Variants in DAB1 observed in about 807,000 individuals in gnomAD.
DAB1 encodes the protein disabled homolog 1.
Under a neutral mutation model 64.6 loss-of-function variants are expected in DAB1, and 15 were observed. The observed-to-expected ratio is 0.23, with a 90% CI of 0.16 to 0.36. The LOEUF is 0.36. DAB1 is among the 10% of genes least tolerant of loss of function. The pLI, the probability that DAB1 is intolerant of heterozygous loss-of-function variation, is 1.00. For missense variants in DAB1, 596 were observed against 706.7 expected (o/e 0.84, Z 1.78); for synonymous variants, 235 against 251.9 (o/e 0.93, Z 0.64).
intron 3 of DAB1, among the ~76,000 whole-genome samples, chr1:58,419,632 G>A (rs1467176561): frequency 6.6e-6 from 1 of 152,106 alleles, no homozygotes; most frequent in East Asian, 1.9e-4. Flanking sequence ...CTGACCTACT[G>A]GCTCCTTTGC....
chr1:57,263,808 C>T (rs1017210675), intron 2 of DAB1, among the ~76,000 whole-genome samples: 2 of 152,160 alleles, frequency 1.3e-5, no homozygotes, highest in African/African-American at 4.8e-5. Context: ...TAAATCTTGA[C>T]AGTTTTTCAA....
intron 1 of DAB1, among the ~76,000 whole-genome samples, chr1:57,833,525 T>G (rs912098891): frequency 6.6e-6 from 1 of 152,238 alleles, no homozygotes; most frequent in Non-Finnish European, 1.5e-5. Context: ...ACACAGCTTA[T>G]GCCTCAGGGC....
At chr1:58,311,093 T>G (rs1380039340) in intron 4 of DAB1, among the ~76,000 whole-genome samples, 1 of 152,086 alleles carries the variant, frequency 6.6e-6, no homozygotes, top group Non-Finnish European at 1.5e-5. Context: ...ATTCTTCATA[T>G]CTGATCAAGT....
chr1:58,484,650 A>C (rs963736043), intron 3 of DAB1, among the ~76,000 whole-genome samples: 10 of 152,202 alleles, frequency 6.6e-5, no homozygotes, highest in African/African-American at 2.4e-4. Context: ...TATTTGCTAA[A>C]ACTTGGAAAT....
rs57653531 is a variant in DAB1, at chr1:57,212,359, CTTTTTTTTTT to C, written c.68-66940_68-66931del. ...TAATATTACATGTATATATTATTTC[CTTTTTTTTTT>C]TTTTTTTTTTTTTTTTGACACAGAG... On this transcript the variant is annotated intron_variant, in intron 2 of 14. Coordinates refer to ENST00000371236, the MANE Select transcript of DAB1 (RefSeq NM_001365792.1). Among the ~76,000 whole-genome samples the C allele has an allele frequency of 2.1e-3, 175 of 82,188 alleles. 1 individual carries two copies. Among genetic ancestry groups the C allele is most frequent in the African/African-American group, 8.2e-3 (166 of 20,234 alleles). The allele number at this position is 82,188 out of a possible 152,430, so 53.9% of individuals were successfully genotyped here.
intron 5 of DAB1, among the ~76,000 whole-genome samples, chr1:57,917,568 T>C (rs993785648): frequency 2.6e-5 from 4 of 152,206 alleles, no homozygotes; most frequent in African/African-American, 9.7e-5. Context: ...TTGGCATTCT[T>C]GTTTTCCCCA....
chr1:58,466,262 A>C (rs1426132366), intron 3 of DAB1, among the ~76,000 whole-genome samples: 1 of 151,916 alleles, frequency 6.6e-6, no homozygotes, highest in Non-Finnish European at 1.5e-5. Flanking sequence ...GATTGTCTAA[A>C]ACACTTCCCC....
intron 9 of DAB1, among the ~76,000 whole-genome samples, chr1:57,034,767 C>A (rs545583437): frequency 6.6e-6 from 1 of 152,104 alleles, no homozygotes; most frequent in Non-Finnish European, 1.5e-5. Context: ...GGAGTTATTA[C>A]GCATGAATAG....
chr1:57,906,218 CA>C (rs1268936289), intron 5 of DAB1, among the ~76,000 whole-genome samples: 17 of 152,282 alleles, frequency 1.1e-4, no homozygotes, highest in African/African-American at 4.1e-4. Context: ...GTTTGCTTAG[CA>C]ATAAAGAGTA....
intron 5 of DAB1, among the ~76,000 whole-genome samples, chr1:57,916,653 G>C (rs957990847): frequency 1.6e-4 from 24 of 152,222 alleles, no homozygotes; most frequent in African/African-American, 7.2e-5. Context: ...AAAGGGTTAA[G>C]TAGGCCAGGC....
At chr1:57,492,350 CT>C (rs1273047744) in intron 7 of DAB1, among the ~76,000 whole-genome samples, 1 of 152,142 alleles carries the variant, frequency 6.6e-6, no homozygotes, top group Non-Finnish European at 1.5e-5. Flanking sequence ...ACTGCAGTTT[CT>C]TTTTCTTAAA....
chr1:57,115,271 T>C (rs1022727719), intron 4 of DAB1, among the ~76,000 whole-genome samples: 1 of 152,220 alleles, frequency 6.6e-6, no homozygotes, highest in Non-Finnish European at 1.5e-5. Context: ...ACAAGTTACC[T>C]ATCACCACCA....
intron 1 of DAB1, among the ~76,000 whole-genome samples, chr1:57,367,979 C>T (rs1680195752): frequency 1.3e-5 from 2 of 152,202 alleles, no homozygotes. Context: ...TCCCTGCCCT[C>T]TTGGAGGCCC....
intron 4 of DAB1, among the ~76,000 whole-genome samples, chr1:58,164,842 C>A (rs1048345674): frequency 6.6e-6 from 1 of 152,124 alleles, no homozygotes; most frequent in Non-Finnish European, 1.5e-5. Flanking sequence ...CTTTCAGCAT[C>A]TGCTTAACAT....
chr1:57,864,300 A>G (rs910702601), intron 1 of DAB1: 1 of 152,202 alleles, frequency 6.6e-6, no homozygotes, highest in Non-Finnish European at 1.5e-5. Context: ...TGGTGTAGTG[A>G]TAACAATAAC....
intron 3 of DAB1, among the ~76,000 whole-genome samples, chr1:58,389,984 C>A (rs2100554241): frequency 6.6e-6 from 1 of 152,104 alleles, no homozygotes; most frequent in East Asian, 1.9e-4. Flanking sequence ...GAAGGGGGTT[C>A]AAAATCCTAC....
intron 5 of DAB1, among the ~76,000 whole-genome samples, chr1:58,099,257 C>T (rs1189745382): frequency 1.3e-5 from 2 of 152,186 alleles, no homozygotes; most frequent in African/African-American, 2.4e-5. Flanking sequence ...CTTCTGGCCA[C>T]ATCTCTCTCC....
chr1:57,273,735 C>T (rs1671237660), intron 2 of DAB1, among the ~76,000 whole-genome samples: 1 of 150,472 alleles, frequency 6.6e-6, no homozygotes, highest in Non-Finnish European at 1.5e-5. Flanking sequence ...TCCTCACTGA[C>T]ATGAGAATGT....
At chr1:57,680,311 A>G (rs964491101) in intron 6 of DAB1, among the ~76,000 whole-genome samples, 12 of 152,240 alleles carry the variant, frequency 7.9e-5, no homozygotes, top group Non-Finnish European at 1.5e-4. Context: ...CTGTTATAAC[A>G]AATTATTGCA....
Sources: allele counts gnomAD v4.1 joint callset (sites outside exome capture counted in the v4.1 genomes callset), GRCh38; gene constraint gnomAD v4.1.1; transcripts MANE v1.5; gene names NCBI Gene and HGNC (gene_info 2026-07-23, HGNC 2026-07-21).